The following NIPBL variants were observed in gnomAD, a reference collection of about 807,000 sequenced individuals.
The protein encoded by NIPBL is nipped-B-like protein.
NIPBL carries 19 observed loss-of-function variants against 321.8 expected under a neutral mutation model. The observed-to-expected ratio is 0.06, with a 90% CI of 0.04 to 0.09. The LOEUF is 0.09. Among genes scored for constraint, NIPBL ranks in the 10% least tolerant of loss-of-function variants. The pLI is 1.00. For missense variants in NIPBL, 2,210 were observed against 3,327.0 expected, an observed-to-expected ratio of 0.66 and a Z score of 8.26; for synonymous variants, 1,106 against 1,114.1, an observed-to-expected ratio of 0.99 and a Z score of 0.14.
rs180735263 is a variant in NIPBL, at chr5:36,908,566, C to G, written c.-80+31388C>G. 2.6e-5 allele frequency among the ~76,000 whole-genome samples: 4 copies of G among 151,868 alleles called. No homozygotes were observed. The East Asian group carries it at 7.7e-4, about 29-fold the overall frequency. On this transcript the variant is annotated intron_variant, in intron 1 of 46. Coordinates refer to ENST00000282516, the MANE Select transcript of NIPBL (RefSeq NM_133433.4). Reference sequence around the variant, plus strand: ...TACAGGGAACGTAGAATTGGTACCACAAGGAAATAATGATTTTAAGAAATA... The same window carrying G: ...TACAGGGAACGTAGAATTGGTACCAGAAGGAAATAATGATTTTAAGAAATA...
At chr5:36,980,880 T>C (rs1744061945) in intron 9 of NIPBL, among the ~76,000 whole-genome samples, 1 of 151,686 alleles carries the variant, frequency 6.6e-6, no homozygotes, top group African/African-American at 2.4e-5. Flanking sequence ...TGGGATGGTA[T>C]TTGTTATATA....
At chr5:36,979,859 A>G (rs983971979) in intron 9 of NIPBL, among the ~76,000 whole-genome samples, 13 of 151,748 alleles carry the variant, frequency 8.6e-5, no homozygotes, top group East Asian at 1.9e-4. Context: ...GAAACATACA[A>G]TATCACAATT....
At chr5:37,044,821 A>G in intron 36 of NIPBL, 92 bp downstream of exon 36, 1 of 875,696 alleles carries the variant, frequency 1.1e-6, no homozygotes, top group Non-Finnish European at 1.9e-6. Flanking sequence ...GCTAGACTCG[A>G]GGAAATTATG....
chr5:36,888,074 A>G (rs561561592), intron 1 of NIPBL, among the ~76,000 whole-genome samples: 75 of 152,144 alleles, frequency 4.9e-4, no homozygotes, highest in Non-Finnish European at 8.1e-4. Flanking sequence ...CCCTTCCCCA[A>G]TGTTTTGATT....
At chr5:36,896,889 C>T (rs1746787118) in intron 1 of NIPBL, among the ~76,000 whole-genome samples, 1 of 152,084 alleles carries the variant, frequency 6.6e-6, no homozygotes, top group Non-Finnish European at 1.5e-5. Context: ...CTTGACCCAC[C>T]ACACCTGGCC....
At chr5:36,921,014 T>C (rs1415304026) in intron 1 of NIPBL, among the ~76,000 whole-genome samples, 2 of 152,078 alleles carry the variant, frequency 1.3e-5, no homozygotes, top group Non-Finnish European at 2.9e-5. Context: ...TGGGTTAGGT[T>C]TACCTATCTT....
chr5:37,041,366 C>T (rs1156501223), intron 34 of NIPBL, among the ~76,000 whole-genome samples: 6 of 143,784 alleles, frequency 4.2e-5, no homozygotes, highest in Non-Finnish European at 9.0e-5. Flanking sequence ...TGGCTTCAAG[C>T]GATTCTCCTT....
At chr5:36,925,669 A>C (rs1720270906) in intron 1 of NIPBL, among the ~76,000 whole-genome samples, 1 of 152,170 alleles carries the variant, frequency 6.6e-6, no homozygotes, top group Non-Finnish European at 1.5e-5. Context: ...AAGTCTTTCA[A>C]CTAGTACGTG....
Position 36,976,361 on chromosome 5 carries a change from C to T in NIPBL, c.1454C>T (p.Ala485Val), listed in dbSNP as rs1402389849. Residue 485 changes from alanine (A) to valine (V), a missense_variant, in exon 9 of 47, where the codon GCT (alanine) becomes GTT (valine). This residue lies in a region of NIPBL where 464 missense variants were observed against 529.5 expected (regional missense o/e 0.88). Coordinates refer to ENST00000282516, the MANE Select transcript of NIPBL (RefSeq NM_133433.4). ...ATTGAGCGAATAGAGAGAGAATCAG[C>T]TATTGAAAGGGAGCGCTTCTCAAAA... ...AEIERIERES[A>V]IERERFSKEV... 1 of 1,611,266 alleles carries T rather than the reference C, an allele frequency of 6.2e-7. No homozygotes were observed. The highest frequency in any genetic ancestry group is 1.1e-5 in the South Asian group (1 of 91,062).
At chr5:36,938,521 A>C (rs1580278844) in intron 1 of NIPBL, among the ~76,000 whole-genome samples, 1 of 152,178 alleles carries the variant, frequency 6.6e-6, no homozygotes, top group Non-Finnish European at 1.5e-5. Flanking sequence ...AGTAAATGTT[A>C]TCTCTTCCAC....
chr5:36,882,797 CTG>C (rs1214944232), intron 1 of NIPBL, among the ~76,000 whole-genome samples: 1 of 151,632 alleles, frequency 6.6e-6, no homozygotes, highest in African/African-American at 2.4e-5. Context: ...GTTAGTGACA[CTG>C]TTTTTCTTGT....
chr5:36,897,542 A>G (rs992363764), intron 1 of NIPBL, among the ~76,000 whole-genome samples: 16 of 152,172 alleles, frequency 1.1e-4, no homozygotes, highest in African/African-American at 2.7e-4. Context: ...TATTTTCTCA[A>G]TCCTGCTTTG....
intron 1 of NIPBL, among the ~76,000 whole-genome samples, chr5:36,939,272 A>G (rs1452126193): frequency 1.3e-5 from 2 of 152,148 alleles, no homozygotes; most frequent in African/African-American, 2.4e-5. Context: ...TGAAGTTGGT[A>G]TTACAGGCTT....
At chr5:37,041,251 G>GTTTT (rs1561200046) in intron 34 of NIPBL, among the ~76,000 whole-genome samples, 3 of 93,690 alleles carry the variant, frequency 3.2e-5, no homozygotes, top group Non-Finnish European at 3.9e-5. Flanking sequence ...GTTATGTGGT[G>GTTTT]GTTTTTTTTT....
intron 29 of NIPBL, among the ~76,000 whole-genome samples, chr5:37,024,131 A>G (rs1238324797): frequency 6.6e-6 from 1 of 151,350 alleles, no homozygotes; most frequent in Non-Finnish European, 1.5e-5. Context: ...CACCATTGTT[A>G]CCCCAGCCTG....
chr5:36,897,710 A>C (rs960455019), intron 1 of NIPBL, among the ~76,000 whole-genome samples: 1 of 152,224 alleles, frequency 6.6e-6, no homozygotes, highest in Non-Finnish European at 1.5e-5. Context: ...TAAAGCAGTA[A>C]GCTTTGCCAA....
rs1427298573 is a variant in NIPBL, at chr5:36,969,149, GAGAT to G, written c.611-1723_611-1720del. ...GGAGCAAATTACAAAACTTTTGAAA[GAGAT>G]AGAAGAAAAGAAAATGAAGAGTTAT... On this transcript the variant is annotated intron_variant, in intron 6 of 46. Coordinates refer to ENST00000282516, the MANE Select transcript of NIPBL (RefSeq NM_133433.4). Among the ~76,000 whole-genome samples, 5 of 152,244 alleles carry G rather than the reference GAGAT, an allele frequency of 3.3e-5. No individual in the cohort carries two copies. In the East Asian group the frequency reaches 5.8e-4, roughly 18 times the overall value.
chr5:37,018,076 A>G (rs1309639178), intron 24 of NIPBL, among the ~76,000 whole-genome samples: 2 of 152,200 alleles, frequency 1.3e-5, no homozygotes, highest in Non-Finnish European at 2.9e-5. Flanking sequence ...CATTGAAATC[A>G]TCTGGGAACT....
In NIPBL at chr5:37,010,276, C is replaced by A; in HGVS notation, c.4560+51C>A. 5.2e-6 allele frequency: 7 copies of A among 1,336,936 alleles called. 1 individual carries two copies. The African/African-American group carries it at 5.8e-5, about 11-fold the overall frequency. 82.8% of individuals were successfully genotyped at this position (1,336,936 alleles called of 1,614,324 possible). On this transcript the variant is annotated intron_variant, in intron 21 of 46. Coordinates refer to ENST00000282516, the MANE Select transcript of NIPBL (RefSeq NM_133433.4). ...AACTGTACTTTTATTGAAGGAAATA[C>A]CTATATTCTCTGTCATTCTTATAAA...
Sources: allele counts gnomAD v4.1 joint callset (sites outside exome capture counted in the v4.1 genomes callset), GRCh38; gene constraint gnomAD v4.1.1; regional missense constraint gnomAD v4.1.1; transcripts MANE v1.5; gene names NCBI Gene and HGNC (gene_info 2026-07-23, HGNC 2026-07-21).